Variants in TENM3 observed in about 807,000 individuals in gnomAD.
TENM3 encodes the protein teneurin transmembrane protein 3, also known as teneurin-3.
A neutral mutation model predicts 255.1 loss-of-function variants in TENM3; 63 were observed. The observed-to-expected ratio is 0.25, with a 90% CI of 0.20 to 0.30. The LOEUF (loss-of-function observed/expected upper bound fraction) is 0.30. Ranked by LOEUF, TENM3 falls within the 10% of genes least tolerant of loss-of-function variation. The probability of loss-of-function intolerance (pLI) is 1.00; values close to 1 mark genes in which losing one functional copy is unlikely to be tolerated. For synonymous variants in TENM3, 1,306 were observed against 1,322.3 expected, an observed-to-expected ratio of 0.99 and a Z score of 0.27; for missense variants, 2,929 against 3,461.1, an observed-to-expected ratio of 0.85 and a Z score of 3.86.
At chr4:182,347,013 T>G in intron 3 of TENM3, 84 bp downstream of exon 3, 2 of 954,592 alleles carry the variant, frequency 2.1e-6, no homozygotes, top group Non-Finnish European at 3.0e-6. Context: ...GATGTTTTTC[T>G]TTCTCTCCTT....
the TENM3 span, among the ~76,000 whole-genome samples, chr4:181,888,494 G>GTATATATATGTATATATATA: frequency 4.6e-3 from 130 of 28,190 alleles, 6 homozygotes; most frequent in Admixed American, 8.7e-3. Flanking sequence ...ATAGAAATGT[G>GTATATATATGTATATATATA]TATATATATA....
chr4:182,446,535 G>A (rs903479387), intron 3 of TENM3, among the ~76,000 whole-genome samples: 24 of 151,866 alleles, frequency 1.6e-4, no homozygotes, highest in Non-Finnish European at 3.2e-4. Flanking sequence ...GCATTCGAAC[G>A]TTCTAGTCCA....
At chr4:182,202,684 G>A (rs1008708880) in intron 1 of TENM3, among the ~76,000 whole-genome samples, 1 of 152,138 alleles carries the variant, frequency 6.6e-6, no homozygotes, top group African/African-American at 2.4e-5. Context: ...TGAGGCACAG[G>A]GGATCTTGCT....
chr4:182,659,698 C>T (rs756176947), intron 6 of TENM3, among the ~76,000 whole-genome samples: 6 of 152,166 alleles, frequency 3.9e-5, no homozygotes, highest in Non-Finnish European at 8.8e-5. Context: ...ATATGGTAGC[C>T]TTCTATCTGC....
chr4:182,337,362 C>A (rs1471084322), intron 2 of TENM3, among the ~76,000 whole-genome samples: 3 of 152,022 alleles, frequency 2.0e-5, no homozygotes, highest in Non-Finnish European at 2.9e-5. Context: ...AGATAAATAA[C>A]CAAATTTTAA....
At chr4:182,302,739 T>C (rs1761920681) in intron 1 of TENM3, among the ~76,000 whole-genome samples, 1 of 152,228 alleles carries the variant, frequency 6.6e-6, no homozygotes, top group African/African-American at 2.4e-5. Context: ...GAATGAGAGC[T>C]GTTCATCTGA....
the TENM3 span, among the ~76,000 whole-genome samples, chr4:181,885,162 A>T: frequency 6.6e-6 from 1 of 152,186 alleles, no homozygotes; most frequent in East Asian, 1.9e-4. Flanking sequence ...GCAGCTACTT[A>T]CTTCCTGAGA....
At chr4:182,081,738 A>C in the TENM3 span, 1 of 152,210 alleles carries the variant, frequency 6.6e-6, no homozygotes, top group Non-Finnish European at 1.5e-5. Flanking sequence ...CCTTGCAAGC[A>C]GTTATCCTAC....
chr4:181,962,274 G>A, the TENM3 span, among the ~76,000 whole-genome samples: 14 of 152,310 alleles, frequency 9.2e-5, 1 homozygote, highest in African/African-American at 2.9e-4. Flanking sequence ...GTTTGAAAAC[G>A]TCAGCCAGGA....
At chr4:182,100,542 TATACAC>T in the TENM3 span, among the ~76,000 whole-genome samples, 1 of 138,824 alleles carries the variant, frequency 7.2e-6, no homozygotes, top group Non-Finnish European at 1.5e-5. Flanking sequence ...CACATATATA[TATACAC>T]ACACATATAT....
At chr4:181,658,971 G>A in the TENM3 span, among the ~76,000 whole-genome samples, 1 of 152,098 alleles carries the variant, frequency 6.6e-6, no homozygotes, top group African/African-American at 2.4e-5. Context: ...GCTAGGAAAA[G>A]TGAGGCTGAG....
chr4:181,909,710 C>T, the TENM3 span, among the ~76,000 whole-genome samples: 11 of 152,236 alleles, frequency 7.2e-5, no homozygotes, highest in South Asian at 1.7e-3. Flanking sequence ...TATGTCTACA[C>T]GCTAGGTGTT....
At chr4:181,854,092 T>G in the TENM3 span, among the ~76,000 whole-genome samples, 2 of 152,332 alleles carry the variant, frequency 1.3e-5, no homozygotes, top group South Asian at 4.1e-4. Context: ...ACAGGATGAA[T>G]GTGACATCAG....
At chr4:181,633,325 A>G in the TENM3 span, among the ~76,000 whole-genome samples, 1 of 152,314 alleles carries the variant, frequency 6.6e-6, no homozygotes, top group East Asian at 1.9e-4. Context: ...GGGAGGGTAG[A>G]TAATTATTTT....
intron 1 of TENM3, among the ~76,000 whole-genome samples, chr4:182,188,409 C>T (rs922424639): frequency 2.0e-5 from 3 of 152,122 alleles, no homozygotes; most frequent in Admixed American, 6.6e-5. Context: ...CACCTAGATT[C>T]GGCTCCATAT....
chr4:182,064,120 C>T, the TENM3 span, among the ~76,000 whole-genome samples: 1 of 151,624 alleles, frequency 6.6e-6, no homozygotes, highest in Non-Finnish European at 1.5e-5. Flanking sequence ...CGTGTAATAC[C>T]TTTCTTGTTG....
At chr4:182,760,556 A>G (rs1763102578) in intron 22 of TENM3, among the ~76,000 whole-genome samples, 1 of 147,436 alleles carries the variant, frequency 6.8e-6, no homozygotes, top group Middle Eastern at 3.3e-3. Flanking sequence ...CATTTTTTTA[A>G]ATCTTGGGAC....
chr4:181,456,801 AT>A, the TENM3 span, among the ~76,000 whole-genome samples: 1 of 152,000 alleles, frequency 6.6e-6, no homozygotes, highest in Non-Finnish European at 1.5e-5. Context: ...AAATTTTTAC[AT>A]TTAAAAAATC....
intron 1 of TENM3, among the ~76,000 whole-genome samples, chr4:182,183,212 C>A (rs751773734): frequency 2.5e-4 from 38 of 151,946 alleles, no homozygotes; most frequent in African/African-American, 5.1e-4. Flanking sequence ...TTTGTTTCTT[C>A]TTATTATTAT....
Sources: gnomAD v4.1 joint callset for allele counts (sites outside exome capture counted in the v4.1 genomes callset) on GRCh38, gnomAD v4.1.1 for gene constraint, MANE v1.5 for transcripts, NCBI Gene and HGNC (gene_info 2026-07-23, HGNC 2026-07-21) for gene names.